Variants in RPS6KB1 observed in about 807,000 individuals in gnomAD.
RPS6KB1 encodes ribosomal protein S6 kinase beta-1.
In RPS6KB1, 12 loss-of-function variants were observed where a neutral mutation model predicts 70.2. The observed-to-expected ratio is 0.17, with a 90% confidence interval of 0.11 to 0.28. The LOEUF is 0.28. Among genes scored for constraint, RPS6KB1 ranks in the 10% least tolerant of loss-of-function variants. The probability of loss-of-function intolerance (pLI) is 1.00; values close to 1 mark genes in which losing one functional copy is unlikely to be tolerated. For synonymous variants in RPS6KB1, 175 were observed against 211.2 expected, an observed-to-expected ratio of 0.83 and a Z score of 1.49; for missense variants, 270 against 646.6, an observed-to-expected ratio of 0.42 and a Z score of 6.32.
At chr17:59,929,463 C>T (rs574298820) in intron 5 of RPS6KB1, among the ~76,000 whole-genome samples, 65 of 152,320 alleles carry the variant, frequency 4.3e-4, no homozygotes, top group Non-Finnish European at 7.4e-4. Flanking sequence ...TTGCCAAGTA[C>T]TTTTTCTTAT....
At chr17:59,929,797 G>A (rs890516499) in intron 5 of RPS6KB1, among the ~76,000 whole-genome samples, 18 of 152,266 alleles carry the variant, frequency 1.2e-4, no homozygotes, top group Admixed American at 5.2e-4. Flanking sequence ...AAATGTTAAA[G>A]AGTCTTTAAT....
intron 4 of RPS6KB1, among the ~76,000 whole-genome samples, chr17:59,921,146 T>TC (rs2043243733): frequency 6.6e-6 from 1 of 152,150 alleles, no homozygotes; most frequent in Non-Finnish European, 1.5e-5. Flanking sequence ...TTGTTTTTTT[T>TC]CCCCACTCAT....
At chr17:59,936,963 GA>G (rs2044280554) in intron 12 of RPS6KB1, among the ~76,000 whole-genome samples, 1 of 152,150 alleles carries the variant, frequency 6.6e-6, no homozygotes, top group South Asian at 2.1e-4. Flanking sequence ...AGGCTCAGGT[GA>G]TTCTCCCACC....
At chr17:59,933,052 C>T in intron 7 of RPS6KB1, among the ~76,000 whole-genome samples, 1 of 152,192 alleles carries the variant, frequency 6.6e-6, no homozygotes, top group South Asian at 2.1e-4. Context: ...AACCAGCTGA[C>T]CCAGGGTATC....
intron 4 of RPS6KB1, among the ~76,000 whole-genome samples, chr17:59,915,999 G>C (rs952518149): frequency 2.0e-5 from 3 of 151,510 alleles, no homozygotes; most frequent in Admixed American, 2.0e-4. Flanking sequence ...TGGTTAGGCT[G>C]GTCTCGAACT....
intron 1 of RPS6KB1, among the ~76,000 whole-genome samples, chr17:59,909,517 C>T (rs1357689272): frequency 1.3e-5 from 2 of 151,200 alleles, no homozygotes; most frequent in African/African-American, 2.4e-5. Context: ...CTGCCCGCAT[C>T]GGCCTCCCAA....
At chr17:59,899,853 A>G (rs958649820) in intron 1 of RPS6KB1, among the ~76,000 whole-genome samples, 2 of 152,076 alleles carry the variant, frequency 1.3e-5, no homozygotes, top group Admixed American at 6.6e-5. Context: ...GCATTTGAAC[A>G]TTTATTCTAT....
At chr17:59,918,829 CTTTTT>C (rs35207575) in intron 4 of RPS6KB1, among the ~76,000 whole-genome samples, 1 of 119,096 alleles carries the variant, frequency 8.4e-6, no homozygotes, top group African/African-American at 3.1e-5. Context: ...ACTGATTATT[CTTTTT>C]TTTTTTTTTT....
chr17:59,936,653 A>C, intron 12 of RPS6KB1, 112 bp downstream of exon 12: 2 of 830,906 alleles, frequency 2.4e-6, no homozygotes, highest in Non-Finnish European at 4.1e-6. Context: ...CAAGACCAGC[A>C]TGGGCAACAT....
intron 2 of RPS6KB1, among the ~76,000 whole-genome samples, chr17:59,911,546 T>G (rs1016069710): frequency 7.1e-6 from 1 of 141,528 alleles, no homozygotes; most frequent in African/African-American, 2.7e-5. Flanking sequence ...GGGTTTTTTT[T>G]TTTTTTTTTT....
chr17:59,917,794 T>C (rs568278223), intron 4 of RPS6KB1, among the ~76,000 whole-genome samples: 4 of 152,150 alleles, frequency 2.6e-5, no homozygotes, highest in Admixed American at 6.5e-5. Context: ...AATTTTCTTA[T>C]GTGATTTATT....
chr17:59,894,671 C>G (rs936254234), intron 1 of RPS6KB1, among the ~76,000 whole-genome samples: 1 of 152,148 alleles, frequency 6.6e-6, no homozygotes, highest in African/African-American at 2.4e-5. Flanking sequence ...ATGGTGCGAT[C>G]TCAGCTCACT....
chr17:59,930,284 C>T, intron 6 of RPS6KB1, 110 bp downstream of exon 6: 2 of 765,342 alleles, frequency 2.6e-6, no homozygotes, highest in Non-Finnish European at 4.8e-6. Flanking sequence ...CAGTCACTCA[C>T]TCAGGACCTC....
rs180524 is a variant in RPS6KB1 at position 59,934,137 on chromosome 17, G to A, written c.689-33G>A. Reference sequence around the variant, plus strand: ...CAAACACTGCACATACTTATAATTCGGAGAATAATCATGCTGTAATCTTTC... The same window carrying A: ...CAAACACTGCACATACTTATAATTCAGAGAATAATCATGCTGTAATCTTTC... On this transcript the variant is annotated intron_variant, in intron 7 of 14. Coordinates refer to ENST00000225577, the MANE Select transcript of RPS6KB1 (RefSeq NM_003161.4). This position sits in a 1 kb window ranked among gnomAD's most constrained non-coding sequence, Gnocchi z 4.8. 13 of 1,292,896 alleles carry A rather than the reference G, an allele frequency of 1.0e-5. No homozygotes were observed. Among genetic ancestry groups the A allele is most frequent in the Non-Finnish European group, 1.2e-5 (11 of 887,202 alleles). 80.1% of individuals were successfully genotyped at this position (1,292,896 alleles called of 1,614,324 possible). A position where few individuals can be genotyped will look rare whatever the true frequency, so the allele number is the denominator to read the frequency against.
In RPS6KB1 at chr17:59,934,473, T is replaced by C. The variant is rs1568482879; in HGVS notation, c.819T>C (p.Ala273=). 3 of 1,613,934 alleles carry C rather than the reference T, an allele frequency of 1.9e-6. No individual in the cohort carries two copies. Among genetic ancestry groups the C allele is most frequent in the Non-Finnish European group, 2.5e-6 (3 of 1,179,828 alleles). ...TGATGAGAAGTGGCCACAATCGTGC[T>C]GTGGATTGGTGGAGTTTGGGAGCAT... ...EILMRSGHNR[A]VDWWSLGALM... Residue 273 remains alanine, a synonymous_variant, in exon 9 of 15, where the codon GCT becomes GCC. Coordinates refer to ENST00000225577, the MANE Select transcript of RPS6KB1 (RefSeq NM_003161.4). The surrounding 1 kb of genome is among the most constrained non-coding windows in gnomAD (Gnocchi z 4.8).
chr17:59,902,253 C>T (rs368909850), intron 1 of RPS6KB1, among the ~76,000 whole-genome samples: 11 of 151,162 alleles, frequency 7.3e-5, no homozygotes, highest in East Asian at 2.0e-4. Context: ...CACAGGTGTG[C>T]GCCACCACAC....
intron 2 of RPS6KB1, among the ~76,000 whole-genome samples, chr17:59,911,811 G>C (rs749440821): frequency 3.3e-4 from 50 of 151,684 alleles, no homozygotes; most frequent in African/African-American, 1.2e-3. Context: ...GGCCAGGCTG[G>C]TCTTGAACTC....
chr17:59,922,292 C>T (rs537584305), intron 4 of RPS6KB1, among the ~76,000 whole-genome samples: 22 of 152,078 alleles, frequency 1.4e-4, no homozygotes, highest in Non-Finnish European at 2.5e-4. Context: ...CCGCTCTCCT[C>T]GGCCTCCCAA....
At position 59,894,134 on chromosome 17, in the gene RPS6KB1, A is replaced by G. The variant is rs758510316; in HGVS notation, c.141+809A>G. Among the ~76,000 whole-genome samples the G allele has an allele frequency of 6.0e-4, 91 of 152,220 alleles. 1 individual carries two copies. The highest frequency in any genetic ancestry group is 4.7e-4 in the Non-Finnish European group (32 of 68,008). ...CTTGCCAGAAATAAGTTGCCTGAACAGAGACTTGTGAATGGTGGTATGAGG... is the reference window on the plus strand; with the variant it reads ...CTTGCCAGAAATAAGTTGCCTGAACGGAGACTTGTGAATGGTGGTATGAGG... On this transcript the variant is annotated intron_variant, in intron 1 of 14. Coordinates refer to ENST00000225577, the MANE Select transcript of RPS6KB1 (RefSeq NM_003161.4).
Sources: allele counts gnomAD v4.1 joint callset (sites outside exome capture counted in the v4.1 genomes callset), GRCh38; gene constraint gnomAD v4.1.1; non-coding constraint Gnocchi (gnomAD v3.1); transcripts MANE v1.5; gene names NCBI Gene and HGNC (gene_info 2026-07-23, HGNC 2026-07-21).